Variants in RMDN2 observed in about 807,000 individuals in gnomAD.
RMDN2 encodes the protein regulator of microtubule dynamics 2.
RMDN2 carries 61 observed loss-of-function variants against 52.8 expected under a neutral mutation model. The observed-to-expected ratio is 1.16, with a 90% CI of 0.94 to 1.43. The LOEUF is 1.43. RMDN2 is among the 40% of genes most tolerant of loss of function. The pLI is 0.00. For synonymous variants in RMDN2, 180 were observed against 153.1 expected, an observed-to-expected ratio of 1.18 and a Z score of -1.30; for missense variants, 592 against 475.3, an observed-to-expected ratio of 1.25 and a Z score of -2.28.
chr2:38,050,299 T>G (rs1345783289), intron 10 of RMDN2, among the ~76,000 whole-genome samples: 5 of 151,794 alleles, frequency 3.3e-5, no homozygotes, highest in Non-Finnish European at 5.9e-5. Context: ...TCTGTCTCCC[T>G]GCTGCACCAA....
intron 2 of RMDN2, among the ~76,000 whole-genome samples, chr2:37,935,661 A>C (rs1263219713): frequency 2.6e-5 from 4 of 152,202 alleles, no homozygotes; most frequent in Non-Finnish European, 5.9e-5. Flanking sequence ...CTACATGTGC[A>C]CTTTTATATA....
At chr2:37,961,257 C>A (rs760911840) in intron 2 of RMDN2, among the ~76,000 whole-genome samples, 1 of 152,080 alleles carries the variant, frequency 6.6e-6, no homozygotes, top group African/African-American at 2.4e-5. Context: ...TGGGGAAGTT[C>A]TTCTGGATAA....
At chr2:38,009,683 A>G (rs1677661331) in intron 10 of RMDN2, among the ~76,000 whole-genome samples, 1 of 151,852 alleles carries the variant, frequency 6.6e-6, no homozygotes, top group South Asian at 2.1e-4. Flanking sequence ...GAGTAGTTTG[A>G]TCGTCTGAAG....
In RMDN2 at chr2:38,067,006, G is replaced by A. The variant is rs567581508; in HGVS notation, c.*16G>A. On this transcript the variant is annotated 3_prime_UTR_variant, in exon 11 of 11. Transcript: ENST00000234195. ...GGAGCTGTAGTCTGGAAGATAAAGAGCCTTTGGTACCGCAAGCCCTGTCAT... is the reference window on the plus strand; with the variant it reads ...GGAGCTGTAGTCTGGAAGATAAAGAACCTTTGGTACCGCAAGCCCTGTCAT... 2.9e-5 allele frequency: 46 copies of A among 1,613,738 alleles called. No homozygotes were observed. The East Asian group carries it at 8.7e-4, about 30-fold the overall frequency.
intron 10 of RMDN2, among the ~76,000 whole-genome samples, chr2:38,055,695 ACTGT>A (rs1478352750): frequency 6.6e-6 from 1 of 152,166 alleles, no homozygotes; most frequent in African/African-American, 2.4e-5. Context: ...AGGAGGATGC[ACTGT>A]CTCTTACTTG....
chr2:37,978,184 G>A (rs1230976317), intron 4 of RMDN2, among the ~76,000 whole-genome samples: 3 of 152,158 alleles, frequency 2.0e-5, no homozygotes, highest in East Asian at 3.9e-4. Flanking sequence ...GTCAGGCGTG[G>A]TGATGCGTGC....
upstream of RMDN2, among the ~76,000 whole-genome samples, chr2:37,921,532 A>G (rs1352303054): frequency 6.6e-6 from 1 of 152,244 alleles, no homozygotes. Context: ...AAATGATCAG[A>G]TTTGAGAATT....
rs530381230 is a variant in RMDN2 at position 38,023,752 on chromosome 2, C to T, written c.1713+19536C>T. Among the ~76,000 whole-genome samples, 65 of 152,178 alleles carry T rather than the reference C, an allele frequency of 4.3e-4. No homozygotes were observed. In the South Asian group the frequency reaches 4.4e-3, roughly 10 times the overall value. On this transcript the variant is annotated intron_variant, in intron 10 of 10. Transcript: ENST00000234195. ...TATGTTTTGCTTTAGATACTTGAAGCCAAATCATAAGGTTGGGTTTTAAAA... is the reference window on the plus strand; with the variant it reads ...TATGTTTTGCTTTAGATACTTGAAGTCAAATCATAAGGTTGGGTTTTAAAA...
At chr2:37,925,251 C>G (rs1273426945), upstream of RMDN2, 2 of 152,382 alleles carry the variant, frequency 1.3e-5, no homozygotes, top group Non-Finnish European at 2.9e-5. Context: ...AGCGGGGGGC[C>G]GAGCGGCCGC....
chr2:37,977,846 C>T lies in RMDN2; in HGVS notation c.730+2532C>T, dbSNP rs533195635. ...CTCCTCAGTTCCCAGACTGGGCGGC[C>T]GGGCAGAGGGGCTCCTCACATCCCG... On this transcript the variant is annotated intron_variant, in intron 4 of 10. Transcript: ENST00000354545. Among the ~76,000 whole-genome samples the T allele has an allele frequency of 6.7e-5, 10 of 148,784 alleles. No homozygotes were observed. The South Asian group carries it at 1.3e-3, about 19-fold the overall frequency.
chr2:38,006,292 T>G (rs138762715), intron 10 of RMDN2, among the ~76,000 whole-genome samples: 89,392 of 151,612 alleles, frequency 0.59, 27,514 homozygotes, highest in East Asian at 0.9. Flanking sequence ...ATTACCTTGG[T>G]CAGTATGGCC....
At chr2:37,998,727 A>G (rs1265235547) in intron 8 of RMDN2, among the ~76,000 whole-genome samples, 1 of 152,186 alleles carries the variant, frequency 6.6e-6, no homozygotes, top group Non-Finnish European at 1.5e-5. Context: ...AGCAGAAAAG[A>G]GTTCAAAAAA....
rs186526015 is a variant in RMDN2, at chr2:37,971,582, A to G, written c.453-2458A>G. The stretch of plus-strand genomic sequence containing the variant: ...TAGAGTTTCAATTTCATCTTTTTCC[A>G]TAGAGATAACAATTTTTCCCATCTG... On this transcript the variant is annotated intron_variant, in intron 2 of 10. Coordinates refer to ENST00000354545, the MANE Select transcript of RMDN2 (RefSeq NM_001170791.3). Among the ~76,000 whole-genome samples, 5 of 152,054 alleles carry G rather than the reference A, an allele frequency of 3.3e-5. No individual in the cohort carries two copies. The South Asian group carries it at 6.2e-4, about 19-fold the overall frequency.
chr2:38,037,187 G>A (rs1485075807), intron 10 of RMDN2, among the ~76,000 whole-genome samples: 1 of 152,136 alleles, frequency 6.6e-6, no homozygotes, highest in Non-Finnish European at 1.5e-5. Context: ...TGTAAAATGA[G>A]GATGAAATTT....
chr2:37,987,266 A>C (rs1255216384), intron 5 of RMDN2, among the ~76,000 whole-genome samples: 1 of 152,206 alleles, frequency 6.6e-6, no homozygotes, highest in Non-Finnish European at 1.5e-5. Flanking sequence ...CAAAGTATGT[A>C]CAAGATCTCT....
intron 10 of RMDN2, among the ~76,000 whole-genome samples, chr2:38,024,044 C>T (rs7590654): frequency 0.35 from 52,569 of 151,914 alleles, 10,352 homozygotes; most frequent in East Asian, 0.69. Flanking sequence ...ATGTGTTATA[C>T]ACCCCTTTGT....
At chr2:38,032,352 G>A (rs1008082040) in intron 10 of RMDN2, among the ~76,000 whole-genome samples, 3 of 152,132 alleles carry the variant, frequency 2.0e-5, no homozygotes, top group Non-Finnish European at 2.9e-5. Context: ...ATCATAGAAT[G>A]TTAACTGTTT....
rs540358891 is a variant in RMDN2, at chr2:38,015,024, G to C, written c.1180-2162G>C. On this transcript the variant is annotated intron_variant, in intron 10 of 10. Transcript: ENST00000354545. ...AGGAAATTAGAATTTAAACCCAGTTGTTTAAATATTTAAGACTTGCTTGGA... is the reference window on the plus strand; with the variant it reads ...AGGAAATTAGAATTTAAACCCAGTTCTTTAAATATTTAAGACTTGCTTGGA... 2.0e-5 allele frequency among the ~76,000 whole-genome samples: 3 copies of C among 152,354 alleles called. No homozygotes were observed. The South Asian group carries it at 6.2e-4, about 32-fold the overall frequency.
intron 10 of RMDN2, among the ~76,000 whole-genome samples, chr2:38,026,669 G>C (rs1456064967): frequency 6.6e-6 from 1 of 151,782 alleles, no homozygotes; most frequent in Non-Finnish European, 1.5e-5. Flanking sequence ...TTGTTACATA[G>C]GTATACACGT....
Sources: allele counts gnomAD v4.1 joint callset (sites outside exome capture counted in the v4.1 genomes callset), GRCh38; gene constraint gnomAD v4.1.1; transcripts MANE v1.5; gene names NCBI Gene and HGNC (gene_info 2026-07-23, HGNC 2026-07-21).